Variants in MCF2L observed in about 807,000 individuals in gnomAD.
MCF2L encodes guanine nucleotide exchange factor DBS.
In MCF2L, 97 loss-of-function variants were observed where a neutral mutation model predicts 153.4. That is an observed-to-expected ratio of 0.63 (90% CI 0.54 to 0.75). The LOEUF is 0.75. MCF2L is among the 30% of genes least tolerant of loss of function. The pLI, the probability that MCF2L is intolerant of heterozygous loss-of-function variation, is 0.00. For synonymous variants in MCF2L, 659 were observed against 632.2 expected, an observed-to-expected ratio of 1.04 and a Z score of -0.64; for missense variants, 1,347 against 1,495.2, an observed-to-expected ratio of 0.90 and a Z score of 1.64.
At chr13:112,979,965 TCTGGGTCGGCCCTGTC>T (rs2082346601) in intron 1 of MCF2L, among the ~76,000 whole-genome samples, 1 of 152,224 alleles carries the variant, frequency 6.6e-6, no homozygotes, top group African/African-American at 2.4e-5. Context: ...TTTGTTCATC[TCTGGGTCGGCCCTGTC>T]CTGCAGTTCT....
At chr13:113,072,225 G>GT (rs1211118030) in intron 9 of MCF2L, among the ~76,000 whole-genome samples, 1 of 152,118 alleles carries the variant, frequency 6.6e-6, no homozygotes, top group Non-Finnish European at 1.5e-5. Context: ...ATTTGAGATG[G>GT]TTTTTTGTGA....
intron 2 of MCF2L, among the ~76,000 whole-genome samples, chr13:113,016,300 G>T (rs1430040372): frequency 6.6e-6 from 1 of 152,198 alleles, no homozygotes; most frequent in African/African-American, 2.4e-5. Flanking sequence ...ACACAAGGGG[G>T]TTCTCTGTGT....
At chr13:113,040,815 C>T (rs2086439205) in intron 3 of MCF2L, 1 of 152,306 alleles carries the variant, frequency 6.6e-6, no homozygotes, top group African/African-American at 2.4e-5. Flanking sequence ...CCCTCACGCT[C>T]TGCTCCTGTC....
chr13:112,969,171 C>A (rs1389321898), upstream of MCF2L: 3 of 586,168 alleles, frequency 5.1e-6, no homozygotes, highest in Admixed American at 1.1e-4. The surrounding 1 kb of genome is among the most constrained non-coding windows in gnomAD (Gnocchi z 4.8). Context: ...GCCGAGCCGC[C>A]CCCCGCCCCC....
intron 1 of MCF2L, among the ~76,000 whole-genome samples, chr13:113,012,882 C>T (rs1197653110): frequency 2.6e-4 from 20 of 77,152 alleles, no homozygotes; most frequent in Non-Finnish European, 1.3e-4. Context: ...GAGATGCGGA[C>T]GGTGGACAGG....
chr13:113,088,286 G>C, intron 23 of MCF2L, 41 bp from the exon 24 acceptor site: 1 of 1,510,350 alleles, frequency 6.6e-7, no homozygotes, highest in Non-Finnish European at 9.2e-7. Flanking sequence ...TTCCTCGGGG[G>C]CCTGAGTACT....
intron 1 of MCF2L, among the ~76,000 whole-genome samples, chr13:112,984,624 C>G (rs1470733291): frequency 6.6e-6 from 1 of 152,208 alleles, no homozygotes; most frequent in Non-Finnish European, 1.5e-5. Flanking sequence ...CAGATAAATA[C>G]ATTTGAGGCA....
rs763289766 is a variant in MCF2L, at chr13:113,096,848, C to T, written c.3367C>T (p.Leu1123=). The T allele has an allele frequency of 6.7e-7, 1 of 1,481,502 alleles. No individual in the cohort carries two copies. The highest frequency in any genetic ancestry group is 8.9e-7 in the Non-Finnish European group (1 of 1,125,430). 91.8% of individuals were successfully genotyped at this position (1,481,502 alleles called of 1,614,324 possible). A position where few individuals can be genotyped will look rare whatever the true frequency, so the allele number is the denominator to read the frequency against. Residue 1123 remains leucine, a synonymous_variant, in exon 30 of 30, where the codon CTG becomes TTG. Transcript: ENST00000535094. The part of the protein sequence containing the change: ...SEGGQAPFSD[L]QG ...GGGCGGCCAGGCCCCCTTCTCCGAC[C>T]TGCAGGGGTAGCGCGGCCTCGGCGC...
chr13:113,008,005 C>T (rs1036631932), intron 1 of MCF2L, among the ~76,000 whole-genome samples: 9 of 150,908 alleles, frequency 6.0e-5, no homozygotes, highest in Non-Finnish European at 1.2e-4. Flanking sequence ...CAACATCCAC[C>T]TCCCAGGTTC....
At chr13:112,926,322 A>T (rs78295240) in intron 2 of MCF2L, among the ~76,000 whole-genome samples, 4 of 111,562 alleles carry the variant, frequency 3.6e-5, no homozygotes, top group South Asian at 6.4e-4. Flanking sequence ...AGCGGAGTGC[A>T]GTACGGCCTG....
At chr13:112,992,580 A>G (rs868617964) in intron 1 of MCF2L, among the ~76,000 whole-genome samples, 1 of 152,212 alleles carries the variant, frequency 6.6e-6, no homozygotes, top group Non-Finnish European at 1.5e-5. Context: ...GATTAGGGAA[A>G]TAAGCGTGGC....
intron 1 of MCF2L, chr13:112,902,091 A>G: frequency 1.2e-6 from 1 of 804,112 alleles, no homozygotes. Context: ...ACTGCAGAAT[A>G]AATACCACGA....
intron 1 of MCF2L, chr13:113,001,660 G>A (rs1288816814): frequency 7.6e-6 from 10 of 1,312,828 alleles, no homozygotes; most frequent in East Asian, 6.3e-5. Flanking sequence ...CGCCAGGATC[G>A]CAACAGTTAA....
At chr13:113,051,003 G>T (rs919428736) in intron 4 of MCF2L, among the ~76,000 whole-genome samples, 2 of 152,012 alleles carry the variant, frequency 1.3e-5, no homozygotes, top group Non-Finnish European at 2.9e-5. Context: ...TGAAATGCGC[G>T]CTGCATAACT....
intron 1 of MCF2L, among the ~76,000 whole-genome samples, chr13:112,992,784 C>T (rs1221610696): frequency 6.6e-6 from 1 of 152,234 alleles, no homozygotes; most frequent in African/African-American, 2.4e-5. Context: ...ATTAGGTCTC[C>T]TATACTGTAA....
chr13:113,069,968 T>G, intron 8 of MCF2L, 91 bp from the exon 9 acceptor site: 9 of 792,366 alleles, frequency 1.1e-5, no homozygotes, highest in Non-Finnish European at 1.6e-5. Context: ...GGGGTGGAGA[T>G]GAGCCTTGGG....
chr13:112,980,977 T>C (rs1250274573), intron 1 of MCF2L, among the ~76,000 whole-genome samples: 1 of 152,196 alleles, frequency 6.6e-6, no homozygotes, highest in Non-Finnish European at 1.5e-5. Context: ...ATCCCCTTCC[T>C]GTGCACTGGG....
intron 23 of MCF2L, 126 bp from the exon 24 acceptor site, chr13:113,088,201 C>T: frequency 2.4e-6 from 2 of 844,574 alleles, no homozygotes; most frequent in East Asian, 4.8e-5. Context: ...TCCTCCTCTC[C>T]CCTCACACGC....
At chr13:112,920,466 T>G (rs3011496) in intron 2 of MCF2L, among the ~76,000 whole-genome samples, 12,820 of 151,978 alleles carry the variant, frequency 0.084, 689 homozygotes, top group South Asian at 0.15. Context: ...TTCCTGAGAT[T>G]TGGTTAAATG....
Sources: gnomAD v4.1 joint callset for allele counts (sites outside exome capture counted in the v4.1 genomes callset) on GRCh38, gnomAD v4.1.1 for gene constraint, Gnocchi (gnomAD v3.1) non-coding constraint, MANE v1.5 for transcripts, NCBI Gene and HGNC (gene_info 2026-07-23, HGNC 2026-07-21) for gene names.